NMNAT3: variants seen among roughly 807,000 people sequenced by gnomAD.
NMNAT3 encodes the protein nicotinamide nucleotide adenylyltransferase 3, also known as nicotinamide/nicotinic acid mononucleotide adenylyltransferase 3.
NMNAT3 carries 21 observed loss-of-function variants against 24.8 expected under a neutral mutation model. The observed-to-expected ratio is 0.85, with a 90% CI of 0.60 to 1.22. NMNAT3 has a LOEUF of 1.22. NMNAT3 is among the 50% of genes most tolerant of loss of function. The pLI is 0.00. For synonymous variants in NMNAT3, 136 were observed against 155.2 expected (o/e 0.88, Z 0.92); for missense variants, 387 against 436.6 (o/e 0.89, Z 1.01).
intron 3 of NMNAT3, among the ~76,000 whole-genome samples, chr3:139,607,841 T>A (rs1430554848): frequency 6.6e-6 from 1 of 152,238 alleles, no homozygotes; most frequent in East Asian, 1.9e-4. Flanking sequence ...TAAAATCTAT[T>A]CTTAAATGAT....
At chr3:139,666,837 A>G (rs1323415218) in intron 1 of NMNAT3, among the ~76,000 whole-genome samples, 4 of 152,186 alleles carry the variant, frequency 2.6e-5, no homozygotes, top group Admixed American at 1.3e-4. Flanking sequence ...AACATGCAAT[A>G]ATTTTCTTTC....
At chr3:139,653,883 C>T (rs560667530) in intron 1 of NMNAT3, among the ~76,000 whole-genome samples, 69 of 152,316 alleles carry the variant, frequency 4.5e-4, no homozygotes, top group African/African-American at 1.6e-3. Context: ...GGACCAGAGA[C>T]ATTTTCTAGT....
chr3:139,576,740 A>C (rs1034030189), intron 5 of NMNAT3, among the ~76,000 whole-genome samples: 10 of 152,160 alleles, frequency 6.6e-5, no homozygotes, highest in Non-Finnish European at 1.2e-4. Context: ...GAGCAACACA[A>C]GAATAAAGGA....
At chr3:139,641,854 C>A (rs1306807594) in intron 1 of NMNAT3, among the ~76,000 whole-genome samples, 1 of 152,178 alleles carries the variant, frequency 6.6e-6, no homozygotes, top group Non-Finnish European at 1.5e-5. Flanking sequence ...TTCTGGCTAA[C>A]AAACACCAAT....
chr3:139,596,948 A>G (rs867584994), intron 3 of NMNAT3, among the ~76,000 whole-genome samples: 20 of 65,046 alleles, frequency 3.1e-4, no homozygotes, highest in East Asian at 1.2e-3. Context: ...ATATATATAT[A>G]TATATATATA....
intron 3 of NMNAT3, among the ~76,000 whole-genome samples, chr3:139,590,057 G>A (rs1308420336): frequency 6.6e-6 from 1 of 152,192 alleles, no homozygotes; most frequent in Non-Finnish European, 1.5e-5. Context: ...ACAGAGAGCT[G>A]GATGTCCAGC....
At chr3:139,568,336 A>G (rs554854789) in intron 6 of NMNAT3, 4 of 151,918 alleles carry the variant, frequency 2.6e-5, no homozygotes, top group Admixed American at 2.6e-4. Context: ...TTGTGTCTCT[A>G]TTTCCTTCAG....
intron 3 of NMNAT3, among the ~76,000 whole-genome samples, chr3:139,620,200 C>CTTT (rs34725809): frequency 8.6e-4 from 109 of 126,704 alleles, no homozygotes; most frequent in African/African-American, 2.3e-3. Flanking sequence ...CTTGTGGAGT[C>CTTT]TTTTTTTTTT....
intron 2 of NMNAT3, chr3:139,637,734 T>C (rs1032649529): frequency 3.9e-5 from 6 of 152,252 alleles, no homozygotes; most frequent in Non-Finnish European, 7.3e-5. Context: ...TAGAATGTTC[T>C]CTTCCATGCC....
intron 3 of NMNAT3, among the ~76,000 whole-genome samples, chr3:139,600,362 A>G (rs557975028): frequency 6.6e-6 from 1 of 151,480 alleles, no homozygotes; most frequent in African/African-American, 2.4e-5. Flanking sequence ...CTAGAGTGCA[A>G]TGGCGCAATC....
At chr3:139,565,352 CT>C (rs1559848769) in intron 6 of NMNAT3, 5 of 152,150 alleles carry the variant, frequency 3.3e-5, no homozygotes, top group African/African-American at 9.6e-5. Context: ...ACATAGTTTT[CT>C]TTTTTTAAAA....
chr3:139,627,652 T>C lies in NMNAT3; in HGVS notation c.73A>G (p.Met25Val). ...AGGTGATCTCTGGCCACCTCAAACA[T>C]GCGCAGGTGCATGTTGGTGATGGGG... Residue 25 changes from methionine (M) to valine (V), a missense_variant, in exon 3 of 7, where the codon ATG becomes GTG. By Grantham distance (21) the Met-to-Val change is conservative. This residue lies in a region of NMNAT3 where 51 missense variants were observed against 55.6 expected (regional missense o/e 0.92). Coordinates refer to ENST00000643695, the MANE Select transcript of NMNAT3 (RefSeq NM_001320510.2). 6.3e-7 allele frequency: 1 copy of C among 1,594,840 alleles called. No homozygotes were observed. The highest frequency in any genetic ancestry group is 8.5e-7 in the Non-Finnish European group (1 of 1,177,712).
intron 6 of NMNAT3, 132 bp downstream of exon 6, chr3:139,573,466 G>A: frequency 2.3e-6 from 1 of 438,132 alleles, no homozygotes; most frequent in Non-Finnish European, 4.1e-6. Context: ...AACCAGGCAG[G>A]CCTTAAATTC....
At chr3:139,654,685 C>T (rs2108401445) in intron 1 of NMNAT3, among the ~76,000 whole-genome samples, 1 of 152,306 alleles carries the variant, frequency 6.6e-6, no homozygotes, top group East Asian at 1.9e-4. Context: ...ACCCAAGCAG[C>T]CCAACTGGCT....
intron 4 of NMNAT3, among the ~76,000 whole-genome samples, chr3:139,582,350 T>C (rs769951854): frequency 6.6e-6 from 1 of 150,432 alleles, no homozygotes; most frequent in African/African-American, 2.4e-5. Flanking sequence ...TCTTAGAAAA[T>C]GTACACTTAG....
intron 3 of NMNAT3, among the ~76,000 whole-genome samples, chr3:139,603,642 G>A (rs146231490): frequency 1.9e-3 from 292 of 151,520 alleles, no homozygotes; most frequent in African/African-American, 4.6e-3. Flanking sequence ...CTGCCATCAC[G>A]GTCACTATGA....
chr3:139,664,422 C>G (rs1232520540), intron 1 of NMNAT3, among the ~76,000 whole-genome samples: 2 of 152,140 alleles, frequency 1.3e-5, no homozygotes, highest in Admixed American at 6.5e-5. Context: ...GGTCCAGGAG[C>G]TATGATTCCT....
chr3:139,579,330 G>A (rs1263290650), intron 4 of NMNAT3, among the ~76,000 whole-genome samples: 1 of 152,170 alleles, frequency 6.6e-6, no homozygotes, highest in African/African-American at 2.4e-5. Flanking sequence ...GTGGCGCTCA[G>A]GCAAGGGTCC....
intron 2 of NMNAT3, chr3:139,634,883 C>G (rs1315275249): frequency 6.6e-6 from 1 of 152,188 alleles, no homozygotes; most frequent in Middle Eastern, 3.2e-3. Context: ...AGGCACTGTG[C>G]TAAAAACTTC....
Sources: allele counts gnomAD v4.1 joint callset (sites outside exome capture counted in the v4.1 genomes callset), GRCh38; gene constraint gnomAD v4.1.1; regional missense constraint gnomAD v4.1.1; transcripts MANE v1.5; gene names NCBI Gene and HGNC (gene_info 2026-07-23, HGNC 2026-07-21).